Variants in ZFAND6 observed in about 807,000 individuals in gnomAD.
The protein encoded by ZFAND6 is zinc finger AN1-type containing 6.
Under a neutral mutation model 24.5 loss-of-function variants are expected in ZFAND6, and 12 were observed. The observed-to-expected ratio is 0.49, with a 90% CI of 0.31 to 0.79. ZFAND6 has a LOEUF of 0.79. Among genes scored for constraint, ZFAND6 ranks in the 30% least tolerant of loss-of-function variants. The pLI is 0.04. For missense variants in ZFAND6, 207 were observed against 245.9 expected (o/e 0.84, Z 1.06); for synonymous variants, 92 against 81.5 (o/e 1.13, Z -0.69).
At chr15:80,093,846 CTTT>C in intron 1 of ZFAND6, among the ~76,000 whole-genome samples, 1 of 152,278 alleles carries the variant, frequency 6.6e-6, no homozygotes, top group Non-Finnish European at 1.5e-5. Context: ...TGTCTCTGTT[CTTT>C]AATTCCAGTG....
chr15:80,089,259 GTTTTTTTTTTTTTTT>G (rs71453501), intron 1 of ZFAND6, among the ~76,000 whole-genome samples: 2 of 61,096 alleles, frequency 3.3e-5, no homozygotes, highest in Non-Finnish European at 5.6e-5. Flanking sequence ...GAGTGTGTGT[GTTTTTTTTTTTTTTT>G]TTTTTTTTTT....
chr15:80,085,360 A>G (rs999935919), intron 1 of ZFAND6, among the ~76,000 whole-genome samples: 1 of 152,244 alleles, frequency 6.6e-6, no homozygotes, highest in Non-Finnish European at 1.5e-5. Context: ...CGTAGCTGGC[A>G]CATAGGAAAT....
chr15:80,109,789 A>G (rs938476603), intron 2 of ZFAND6, among the ~76,000 whole-genome samples: 1 of 152,260 alleles, frequency 6.6e-6, no homozygotes, highest in Non-Finnish European at 1.5e-5. Context: ...TATATATACC[A>G]GAAGCTGTGT....
chr15:80,133,850 C>G (rs1007725954), intron 6 of ZFAND6, among the ~76,000 whole-genome samples: 4 of 152,220 alleles, frequency 2.6e-5, no homozygotes, highest in Non-Finnish European at 5.9e-5. Flanking sequence ...AAGATAAACA[C>G]CAGCTGCCAG....
Position 80,059,757 on chromosome 15 carries a change from G to C in ZFAND6, c.-233G>C, listed in dbSNP as rs1366632030. On this transcript the variant is annotated 5_prime_UTR_variant, in exon 1 of 7. Transcript: ENST00000261749. Reference sequence around the variant, plus strand: ...GCGGCATTACCTGTACCCATTCACCGGCGGCTACCGGCGGCGGCGCGCAGC... The same window carrying C: ...GCGGCATTACCTGTACCCATTCACCCGCGGCTACCGGCGGCGGCGCGCAGC... The C allele has an allele frequency of 6.6e-6, 1 of 152,092 alleles. No individual in the cohort carries two copies. Among genetic ancestry groups the C allele is most frequent in the Non-Finnish European group, 1.5e-5 (1 of 68,082 alleles). 9.4% of individuals were successfully genotyped at this position (152,092 alleles called of 1,614,324 possible). A position where few individuals can be genotyped will look rare whatever the true frequency, so the allele number is the denominator to read the frequency against.
intron 2 of ZFAND6, among the ~76,000 whole-genome samples, chr15:80,116,715 CT>C (rs2039892389): frequency 2.0e-5 from 3 of 152,156 alleles, no homozygotes; most frequent in Non-Finnish European, 4.4e-5. Flanking sequence ...ACAAGACAAG[CT>C]TGTTCAATCT....
Position 80,137,844 on chromosome 15 carries a change from T to C in ZFAND6, c.*216T>C, listed in dbSNP as rs2040931180. ...GACTTAAACTTTACAAGTATTATCC[T>C]TTTAAGATCATTTTAATTTTAGTTG... On this transcript the variant is annotated 3_prime_UTR_variant, in exon 7 of 7. Transcript: ENST00000261749. 4.9e-6 allele frequency: 2 copies of C among 410,222 alleles called. No individual in the cohort carries two copies. Among genetic ancestry groups the C allele is most frequent in the African/African-American group, 2.1e-5 (1 of 47,822 alleles). The allele number at this position is 410,222 out of a possible 1,614,324, so 25.4% of individuals were successfully genotyped here. A position where few individuals can be genotyped will look rare whatever the true frequency, so the allele number is the denominator to read the frequency against.
At chr15:80,091,278 A>G (rs1163568815) in intron 1 of ZFAND6, among the ~76,000 whole-genome samples, 2 of 152,060 alleles carry the variant, frequency 1.3e-5, no homozygotes, top group Non-Finnish European at 2.9e-5. Flanking sequence ...GTACGTGAAA[A>G]TCTAGAGGTG....
chr15:80,100,499 C>T (rs911069280), intron 2 of ZFAND6, among the ~76,000 whole-genome samples: 2 of 151,118 alleles, frequency 1.3e-5, no homozygotes, highest in African/African-American at 2.4e-5. Context: ...AGATGATTCT[C>T]TGTGTTCTGT....
chr15:80,065,704 C>A (rs1034058456), intron 1 of ZFAND6, among the ~76,000 whole-genome samples: 2 of 151,678 alleles, frequency 1.3e-5, no homozygotes, highest in Non-Finnish European at 2.9e-5. Context: ...GCCACCACAC[C>A]TGGCTAATTT....
chr15:80,075,240 T>C (rs987948535), intron 1 of ZFAND6: 2 of 191,038 alleles, frequency 1.0e-5, no homozygotes, highest in Non-Finnish European at 2.2e-5. Flanking sequence ...ATCACAAATA[T>C]TGGTAATTTG....
chr15:80,138,312 G>C lies in ZFAND6; in HGVS notation c.*684G>C, dbSNP rs927733819. ...TTTGTGTGTATACAATATGAAGAAT[G>C]ATCTGAAGTAATTGTGCTGTATTTA... is the stretch of plus-strand genomic sequence containing the variant. On this transcript the variant is annotated 3_prime_UTR_variant, in exon 7 of 7. Coordinates refer to ENST00000261749, the MANE Select transcript of ZFAND6 (RefSeq NM_019006.4). The C allele has an allele frequency of 6.6e-6, 1 of 152,586 alleles. No homozygotes were observed. The highest frequency in any genetic ancestry group is 1.5e-5 in the Non-Finnish European group (1 of 68,002). 9.5% of individuals were successfully genotyped at this position (152,586 alleles called of 1,614,324 possible).
chr15:80,081,412 G>A (rs2037661035), intron 1 of ZFAND6, among the ~76,000 whole-genome samples: 1 of 152,154 alleles, frequency 6.6e-6, no homozygotes, highest in South Asian at 2.1e-4. Context: ...AAATTTAATG[G>A]AATTTAATTG....
At position 80,120,425 on chromosome 15, in the gene ZFAND6, T is replaced by A; in HGVS notation, c.81T>A (p.Asn27Lys). The A allele has an allele frequency of 1.2e-6, 2 of 1,607,738 alleles. No individual in the cohort carries two copies. The highest frequency in any genetic ancestry group is 1.7e-6 in the Non-Finnish European group (2 of 1,175,780). ...GATTTTATGGAAACCCTCGTACAAA[T>A]GGCATGTGTTCAGTATGCTATAAAG... ...GCGFYGNPRTNGMCSVCYKEH... is the reference protein window; with the variant it reads ...GCGFYGNPRTKGMCSVCYKEH... The change falls in exon 3 of 7, where the codon AAT becomes AAA. Residue 27 changes from asparagine to lysine, a missense_variant. Physicochemically the swap from Asn to Lys is moderately conservative, Grantham distance 94 (BLOSUM62 0). Around this residue, in one of 3 missense-constraint regions of ZFAND6, gnomAD observed 29 missense variants for 55.4 expected, o/e 0.52. Coordinates refer to ENST00000261749, the MANE Select transcript of ZFAND6 (RefSeq NM_019006.4).
At chr15:80,071,835 ATC>A (rs748825992) in intron 1 of ZFAND6, among the ~76,000 whole-genome samples, 9 of 152,040 alleles carry the variant, frequency 5.9e-5, no homozygotes, top group Non-Finnish European at 1.2e-4. Context: ...GCTTTTAGAT[ATC>A]TGTTTGCCAA....
intron 2 of ZFAND6, among the ~76,000 whole-genome samples, chr15:80,113,215 A>AG (rs1421687084): frequency 6.6e-6 from 1 of 152,242 alleles, no homozygotes; most frequent in African/African-American, 2.4e-5. Context: ...CTTGAATTGG[A>AG]GAGTACAGGC....
At chr15:80,091,074 G>A (rs1203667239) in intron 1 of ZFAND6, among the ~76,000 whole-genome samples, 1 of 152,050 alleles carries the variant, frequency 6.6e-6, no homozygotes, top group African/African-American at 2.4e-5. Context: ...ACTTGACTTG[G>A]CCACTAGGAG....
chr15:80,097,672 A>AC (rs769381488), intron 1 of ZFAND6, among the ~76,000 whole-genome samples: 19 of 144,024 alleles, frequency 1.3e-4, no homozygotes, highest in Non-Finnish European at 1.4e-4. Context: ...ATAAATAAAT[A>AC]AATACATACA....
At chr15:80,065,002 C>CTT (rs371580044) in intron 1 of ZFAND6, among the ~76,000 whole-genome samples, 94 of 68,128 alleles carry the variant, frequency 1.4e-3, no homozygotes, top group African/African-American at 2.7e-3. Flanking sequence ...CTCTCTCCCC[C>CTT]TTTTTTTTTT....
Sources: allele counts gnomAD v4.1 joint callset (sites outside exome capture counted in the v4.1 genomes callset), GRCh38; gene constraint gnomAD v4.1.1; regional missense constraint gnomAD v4.1.1; transcripts MANE v1.5; gene names NCBI Gene and HGNC (gene_info 2026-07-23, HGNC 2026-07-21).